Variants in DNAH1 observed in about 807,000 individuals in gnomAD.
DNAH1 encodes the protein axonemal beta dynein heavy chain 1.
Under a neutral mutation model 484.3 loss-of-function variants are expected in DNAH1, and 327 were observed. The ratio of observed to expected loss-of-function variants is 0.68; its 90% confidence interval spans 0.62 to 0.74. DNAH1 has a LOEUF of 0.74. Among genes scored for constraint, DNAH1 ranks in the 30% least tolerant of loss-of-function variants. DNAH1 has a pLI of 0.00. For synonymous variants in DNAH1, 2,192 were observed against 2,191.9 expected (o/e 1.00, Z 0.00); for missense variants, 5,052 against 5,546.8 (o/e 0.91, Z 2.83).
At position 52,356,738 on chromosome 3, in the gene DNAH1, T is replaced by C. The variant is rs201513904; in HGVS notation, c.3818T>C (p.Ile1273Thr). 3.7e-6 allele frequency: 6 copies of C among 1,613,464 alleles called. No individual in the cohort carries two copies. The Admixed American group carries it at 1.0e-4, about 27-fold the overall frequency. ...AAGCGCTACCAGACCATGGAGCGGA[T>C]CTGGAAGAAGATCATGAAGAATGCC... Reference protein sequence around the residue: ...ESKRYQTMERIWKKIMKNAYE... With the variant: ...ESKRYQTMERTWKKIMKNAYE... Residue 1273 changes from isoleucine (I) to threonine (T), a missense_variant, in exon 22 of 78, where the codon ATC becomes ACC. Transcript: ENST00000420323.
Position 52,370,587 on chromosome 3 carries a change from C to G in DNAH1, c.6369C>G (p.Gly2123=). Residue 2123 remains glycine (G), a synonymous_variant, in exon 40 of 78, where the codon GGC becomes GGG. Transcript: ENST00000420323. ...TGGGTGCCACTGGGGACAGCAGTGG[C>G]CGCACCAGTTTCAGCCACTGGCTAA... ...WSVGATGDSS[G]RTSFSHWLRL... 1 of 1,613,336 alleles carries G rather than the reference C, an allele frequency of 6.2e-7. No homozygotes were observed. The highest frequency in any genetic ancestry group is 8.5e-7 in the Non-Finnish European group (1 of 1,179,622).
chr3:52,338,068 A>G (rs1367656132), intron 8 of DNAH1, among the ~76,000 whole-genome samples: 1 of 152,160 alleles, frequency 6.6e-6, no homozygotes, highest in Non-Finnish European at 1.5e-5. Context: ...TGCTGGCATT[A>G]TAGGAGTGAG....
intron 7 of DNAH1, among the ~76,000 whole-genome samples, chr3:52,331,549 C>A (rs1370917296): frequency 2.6e-5 from 4 of 152,110 alleles, no homozygotes; most frequent in African/African-American, 9.7e-5. Flanking sequence ...CGATGCCTGC[C>A]CTGGGTGTGG....
rs1704569697 is a variant in DNAH1 at position 52,395,292 on chromosome 3, C to T, written c.10969-16C>T. ...GCAGCCCCAGGTGGTCTCAGCATCT[C>T]CCCCTGCCCTTGCAGACAGCCAATC... On this transcript the variant is annotated splice_polypyrimidine_tract_variant and intron_variant, in intron 68 of 77. Transcript: ENST00000420323. The surrounding 1 kb of genome is among the most constrained non-coding windows in gnomAD (Gnocchi z 4.4). 1.2e-6 allele frequency: 2 copies of T among 1,611,336 alleles called. No individual in the cohort carries two copies. Among genetic ancestry groups the T allele is most frequent in the South Asian group, 2.2e-5 (2 of 90,634 alleles).
intron 46 of DNAH1, among the ~76,000 whole-genome samples, chr3:52,376,689 C>A (rs1221975265): frequency 1.3e-5 from 2 of 152,304 alleles, no homozygotes; most frequent in Middle Eastern, 3.4e-3. Flanking sequence ...GCAAAACAGC[C>A]TCTCTGGGCC....
intron 74 of DNAH1, 51 bp from the exon 75 acceptor site, chr3:52,397,981 G>C: frequency 6.9e-6 from 11 of 1,595,226 alleles, no homozygotes; most frequent in Non-Finnish European, 9.4e-6. Flanking sequence ...GAATCCCACA[G>C]GGGATAAGGG....
Position 52,389,515 on chromosome 3 carries a change from A to G in DNAH1, c.9550A>G (p.Asn3184Asp). ...DSWVKQLRSHNVPHTSEPTLI... is the reference protein window; with the variant it reads ...DSWVKQLRSHDVPHTSEPTLI... ...CTGGGTCAAGCAGCTCAGGAGCCACAATGTCCCACACACCTCCGAGCCCAC... is the reference window on the plus strand; with the variant it reads ...CTGGGTCAAGCAGCTCAGGAGCCACGATGTCCCACACACCTCCGAGCCCAC... Residue 3184 changes from asparagine to aspartate, a missense_variant, in exon 60 of 78, where the codon AAT (asparagine) becomes GAT (aspartate). Physicochemically the swap from Asn to Asp is conservative, Grantham distance 23. Transcript: ENST00000420323. 1 of 1,597,562 alleles carries G rather than the reference A, an allele frequency of 6.3e-7. No individual in the cohort carries two copies. The highest frequency in any genetic ancestry group is 8.5e-7 in the Non-Finnish European group (1 of 1,172,564).
rs1255577685 is a variant in DNAH1, at chr3:52,396,424, G to A, written c.11316G>A (p.Val3772=). 3.8e-6 allele frequency: 6 copies of A among 1,591,436 alleles called. No homozygotes were observed. The Admixed American group carries it at 1.1e-4, about 28-fold the overall frequency. The stretch of plus-strand genomic sequence containing the variant: ...GCCTGCCCAGCAACAAGTTCCCAGT[G>A]TCCATCCTGCAGAACGGCTCCAAGA... The part of the protein sequence containing the change: ...LTSLPSNKFP[V]SILQNGSKMT... The change falls in exon 71 of 78, where the codon GTG becomes GTA. Residue 3772 remains valine (V), a synonymous_variant. Coordinates refer to ENST00000420323, the MANE Select transcript of DNAH1 (RefSeq NM_015512.5).
chr3:52,400,334 C>T lies in DNAH1; in HGVS notation c.12686C>T (p.Ser4229Leu). 1 of 1,614,020 alleles carries T rather than the reference C, an allele frequency of 6.2e-7. No individual in the cohort carries two copies. The highest frequency in any genetic ancestry group is 1.6e-4 in the Middle Eastern group (1 of 6,062). Residue 4229 changes from serine (S) to leucine (L), a missense_variant, in exon 78 of 78, where the codon TCA (serine) becomes TTA (leucine). Around this residue, in one of 4 missense-constraint regions of DNAH1, gnomAD observed 853 missense variants for 899.0 expected, o/e 0.95. Coordinates refer to ENST00000420323, the MANE Select transcript of DNAH1 (RefSeq NM_015512.5). The stretch of plus-strand genomic sequence containing the variant: ...TCCTTGCCCATTCCAGGAACACTAT[C>T]AACCACAGGACACTCTACCAACTAT... ...YKTLTRAGTL[S>L]TTGHSTNYVI...
At chr3:52,314,414 A>G (rs1382627989), upstream of DNAH1, among the ~76,000 whole-genome samples, 2 of 152,202 alleles carry the variant, frequency 1.3e-5, no homozygotes, top group East Asian at 3.8e-4. Flanking sequence ...AGGTCAGAGA[A>G]AAATAGGCTG....
Position 52,381,956 on chromosome 3 carries a change from C to G in DNAH1, c.7805+120C>G. 9.1e-7 allele frequency: 1 copy of G among 1,096,582 alleles called. No homozygotes were observed. 67.9% of individuals were successfully genotyped at this position (1,096,582 alleles called of 1,614,324 possible). ...GCAACCCTGAAGTAGGCCCGTGCAG[C>G]CTACAGGCTTCTGGAAAGACTAGTA... On this transcript the variant is annotated intron_variant, in intron 49 of 77. Coordinates refer to ENST00000420323, the MANE Select transcript of DNAH1 (RefSeq NM_015512.5). This position sits in a 1 kb window ranked among gnomAD's most constrained non-coding sequence, Gnocchi z 4.1.
rs559058514 is a variant in DNAH1 at position 52,391,059 on chromosome 3, G to A, written c.9741+5G>A. Reference sequence around the variant, plus strand: ...AACAAATGGATCAAGAACATGGTGAGCCCACCCACCAGGCACCACCACCCC... The same window carrying A: ...AACAAATGGATCAAGAACATGGTGAACCCACCCACCAGGCACCACCACCCC... On this transcript the variant is annotated splice_donor_5th_base_variant and intron_variant, in intron 61 of 77. Coordinates refer to ENST00000420323, the MANE Select transcript of DNAH1 (RefSeq NM_015512.5). 5.7e-6 allele frequency: 9 copies of A among 1,568,918 alleles called. No homozygotes were observed. In the African/African-American group the frequency reaches 1.2e-4, roughly 21 times the overall value.
upstream of DNAH1, among the ~76,000 whole-genome samples, chr3:52,313,458 C>T (rs546574580): frequency 5.3e-5 from 8 of 152,312 alleles, no homozygotes; most frequent in South Asian, 1.2e-3. Context: ...TCCCTATATC[C>T]TGCAGGACAG....
rs1007630032 is a variant in DNAH1, at chr3:52,348,923, C to T, written c.2142C>T (p.Pro714=). ...VMEDIFISGD[P]LLESVGLHEP... ...AGGACATCTTCATCAGCGGTGACCCCCTGCTGGAGTCCGTGGGCCTTCATG... is the reference window on the plus strand; with the variant it reads ...AGGACATCTTCATCAGCGGTGACCCTCTGCTGGAGTCCGTGGGCCTTCATG... The change falls in exon 13 of 78, where the codon CCC becomes CCT. Residue 714 remains proline (P), a synonymous_variant. Transcript: ENST00000420323. 1 of 1,613,392 alleles carries T rather than the reference C, an allele frequency of 6.2e-7. No homozygotes were observed. Among genetic ancestry groups the T allele is most frequent in the Non-Finnish European group, 8.5e-7 (1 of 1,179,878 alleles).
rs745750700 is a variant in DNAH1, at chr3:52,326,321, C to T, written c.581+7C>T. On this transcript the variant is annotated splice_region_variant and intron_variant, in intron 4 of 77. Coordinates refer to ENST00000420323, the MANE Select transcript of DNAH1 (RefSeq NM_015512.5). ...GCAAGATTGAGATCGAGAGGTACGGCTGGGTGGGCTGTGGGGAGACTGTCG... is the reference window on the plus strand; with the variant it reads ...GCAAGATTGAGATCGAGAGGTACGGTTGGGTGGGCTGTGGGGAGACTGTCG... 6.2e-7 allele frequency: 1 copy of T among 1,601,204 alleles called. No individual in the cohort carries two copies.
intron 75 of DNAH1, among the ~76,000 whole-genome samples, chr3:52,398,447 G>A (rs1021520243): frequency 7.2e-5 from 11 of 152,174 alleles, no homozygotes; most frequent in African/African-American, 2.2e-4. Context: ...TAATTAGCGC[G>A]CCCAGCTAAT....
intron 34 of DNAH1, 128 bp from the exon 35 acceptor site, chr3:52,366,329 C>T: frequency 1.4e-6 from 1 of 724,288 alleles, no homozygotes; most frequent in South Asian, 1.8e-5. Flanking sequence ...TACCACCATC[C>T]TCATTTTATA....
chr3:52,362,896 C>T lies in DNAH1; in HGVS notation c.5095-99C>T. The T allele has an allele frequency of 2.6e-6, 4 of 1,524,114 alleles. No homozygotes were observed. In the South Asian group the frequency reaches 4.8e-5, roughly 18 times the overall value. The allele number at this position is 1,524,114 out of a possible 1,614,324, so 94.4% of individuals were successfully genotyped here. On this transcript the variant is annotated intron_variant, in intron 31 of 77. Transcript: ENST00000420323. The surrounding 1 kb of genome is among the most constrained non-coding windows in gnomAD (Gnocchi z 5.1). ...CTCAGCTGTGGCAGGCTTGGTGCAG[C>T]AGGGAGTCCCAGCGTGTTAGGGAGG... is the stretch of plus-strand genomic sequence containing the variant.
At chr3:52,366,683 C>A in intron 35 of DNAH1, 50 bp from the exon 36 acceptor site, 1 of 1,587,074 alleles carries the variant, frequency 6.3e-7, no homozygotes, top group Non-Finnish European at 8.6e-7. Context: ...CCCCAGCCCA[C>A]TCTAGCCCTG....
Sources: allele counts gnomAD v4.1 joint callset (sites outside exome capture counted in the v4.1 genomes callset), GRCh38; gene constraint gnomAD v4.1.1; regional missense constraint gnomAD v4.1.1; non-coding constraint Gnocchi (gnomAD v3.1); transcripts MANE v1.5; gene names NCBI Gene and HGNC (gene_info 2026-07-23, HGNC 2026-07-21).